RAP1B: variants seen among roughly 807,000 people sequenced by gnomAD.
RAP1B encodes ras-related protein Rap-1b.
Under a neutral mutation model 27.5 loss-of-function variants are expected in RAP1B, and 1 was observed. The ratio of observed to expected loss-of-function variants is 0.04; its 90% CI spans 0.01 to 0.17. RAP1B has a LOEUF of 0.17. RAP1B is among the 10% of genes least tolerant of loss of function. The pLI, the probability that RAP1B is intolerant of heterozygous loss-of-function variation, is 1.00. For missense variants in RAP1B, 84 were observed against 214.8 expected, an observed-to-expected ratio of 0.39 and a Z score of 3.81; for synonymous variants, 75 against 73.1, an observed-to-expected ratio of 1.03 and a Z score of -0.13.
At position 68,619,648 on chromosome 12, in the gene RAP1B, T is replaced by A. The variant is rs868394665; in HGVS notation, c.-27+8605T>A. 5.3e-5 allele frequency among the ~76,000 whole-genome samples: 8 copies of A among 152,338 alleles called. No homozygotes were observed. In the South Asian group the frequency reaches 1.7e-3, roughly 32 times the overall value. The stretch of plus-strand genomic sequence containing the variant: ...AAATATTCCCAACTGTCTAATGTAT[T>A]TTGTATTACTTATTTTTCCATGCTT... On this transcript the variant is annotated intron_variant, in intron 1 of 7. Coordinates refer to ENST00000250559, the MANE Select transcript of RAP1B (RefSeq NM_001010942.3).
intron 4 of RAP1B, among the ~76,000 whole-genome samples, chr12:68,653,825 G>A (rs990470439): frequency 6.6e-6 from 1 of 151,962 alleles, no homozygotes; most frequent in African/African-American, 2.4e-5. Flanking sequence ...CAGCTACTCG[G>A]GAGGCTGAGG....
At chr12:68,651,942 G>A in intron 3 of RAP1B, 53 bp from the exon 4 acceptor site, 1 of 1,398,180 alleles carries the variant, frequency 7.2e-7, no homozygotes, top group Non-Finnish European at 1.0e-6. Context: ...TGTATATTAA[G>A]GTAGTTTTAT....
At chr12:68,619,642 A>T (rs1871257698) in intron 1 of RAP1B, among the ~76,000 whole-genome samples, 1 of 152,156 alleles carries the variant, frequency 6.6e-6, no homozygotes, top group Non-Finnish European at 1.5e-5. Flanking sequence ...CAACTGTCTA[A>T]TGTATTTTGT....
At chr12:68,633,014 G>A (rs1298373113) in intron 1 of RAP1B, among the ~76,000 whole-genome samples, 1 of 152,190 alleles carries the variant, frequency 6.6e-6, no homozygotes, top group Non-Finnish European at 1.5e-5. Context: ...TACAATACAA[G>A]CTATTCACTG....
At position 68,660,530 on chromosome 12, in the gene RAP1B, C is replaced by A. The variant is rs1396600251; in HGVS notation, c.*1281C>A. The A allele has an allele frequency of 6.6e-6, 1 of 152,598 alleles. No individual in the cohort carries two copies. The allele number at this position is 152,598 out of a possible 1,614,324, so 9.5% of individuals were successfully genotyped here. On this transcript the variant is annotated 3_prime_UTR_variant, in exon 8 of 8. Transcript: ENST00000250559. ...CAAGGGCTTGCATTATAATTACTTG[C>A]CACTTGAATGTGTTTTGTGTAATGT...
rs148974494 is a variant in RAP1B, at chr12:68,654,358, G to GA, written c.324+106_324+107insA. On this transcript the variant is annotated intron_variant, in intron 5 of 7. Transcript: ENST00000250559. ...AAGCTTGTGTATTTTGGTTGGGGGGGGGGTGTTGGTTTTTTTAAACTTTTT... is the reference window on the plus strand; with the variant it reads ...AAGCTTGTGTATTTTGGTTGGGGGGGAGGGTGTTGGTTTTTTTAAACTTTTT... 89 of 442,550 alleles carry GA rather than the reference G, an allele frequency of 2.0e-4. 8 individuals are homozygous for GA. Among genetic ancestry groups the GA allele is most frequent in the East Asian group, 1.1e-3 (12 of 10,788 alleles). The allele number at this position is 442,550 out of a possible 1,614,324, so 27.4% of individuals were successfully genotyped here.
At chr12:68,630,806 G>A (rs753845577) in intron 1 of RAP1B, among the ~76,000 whole-genome samples, 34 of 151,802 alleles carry the variant, frequency 2.2e-4, no homozygotes, top group Non-Finnish European at 3.8e-4. Flanking sequence ...CCATCCTCCC[G>A]GGTAGGTGGA....
intron 1 of RAP1B, among the ~76,000 whole-genome samples, chr12:68,636,725 G>GTT (rs58164003): frequency 0.053 from 7,990 of 150,966 alleles, 689 homozygotes; most frequent in African/African-American, 0.18. Context: ...TATCCCTGCT[G>GTT]TTTTTTTTTG....
At chr12:68,627,185 C>G (rs947916863) in intron 1 of RAP1B, 2 of 1,549,328 alleles carry the variant, frequency 1.3e-6, no homozygotes, top group Non-Finnish European at 8.8e-7. Flanking sequence ...CTGTTTGGAA[C>G]CTACACTGGG....
At chr12:68,611,248 C>A (rs1267249561) in intron 1 of RAP1B, among the ~76,000 whole-genome samples, 1 of 148,598 alleles carries the variant, frequency 6.7e-6, no homozygotes, top group East Asian at 2.0e-4. Context: ...CCTTGCGGGC[C>A]GGCGAGGAGG....
At chr12:68,654,039 A>G in intron 4 of RAP1B, 73 bp from the exon 5 acceptor site, 1 of 1,284,824 alleles carries the variant, frequency 7.8e-7, no homozygotes, top group Non-Finnish European at 1.1e-6. Flanking sequence ...AGCTATAATT[A>G]TAGACTGTGA....
intron 7 of RAP1B, chr12:68,657,725 AACACACACACACACACACAC>A (rs61700927): frequency 0.036 from 4,572 of 126,222 alleles, 101 homozygotes; most frequent in South Asian, 0.052. Flanking sequence ...CCTAATTTAA[AACACACACACACACACACAC>A]ACACACACAC....
At position 68,661,376 on chromosome 12, in the gene RAP1B, T is replaced by G. The variant is rs2076218769; in HGVS notation, c.*2127T>G. ...ATAAATGTTTGCTGCCTACCAGCTATGTACCAGGCCCAGTTCTAGGCTCAA... is the reference window on the plus strand; with the variant it reads ...ATAAATGTTTGCTGCCTACCAGCTAGGTACCAGGCCCAGTTCTAGGCTCAA... On this transcript the variant is annotated 3_prime_UTR_variant, in exon 8 of 8. Transcript: ENST00000250559. 6.6e-6 allele frequency: 1 copy of G among 152,198 alleles called. No individual in the cohort carries two copies. The highest frequency in any genetic ancestry group is 2.4e-5 in the African/African-American group (1 of 41,440). 9.4% of individuals were successfully genotyped at this position (152,198 alleles called of 1,614,324 possible). A position where few individuals can be genotyped will look rare whatever the true frequency, so the allele number is the denominator to read the frequency against.
At chr12:68,631,741 C>G (rs1872252356) in intron 1 of RAP1B, among the ~76,000 whole-genome samples, 1 of 152,070 alleles carries the variant, frequency 6.6e-6, no homozygotes, top group Non-Finnish European at 1.5e-5. Context: ...AATCTGATCT[C>G]TCCTTCTGAA....
At chr12:68,634,819 G>A (rs541805067) in intron 1 of RAP1B, among the ~76,000 whole-genome samples, 2 of 152,304 alleles carry the variant, frequency 1.3e-5, no homozygotes, top group South Asian at 2.1e-4. Flanking sequence ...TACGTTGCAT[G>A]TCAAATTATA....
Position 68,663,597 on chromosome 12 carries a change from C to T in RAP1B, c.*4348C>T, listed in dbSNP as rs1289001350. On this transcript the variant is annotated 3_prime_UTR_variant, in exon 8 of 8. Coordinates refer to ENST00000250559, the MANE Select transcript of RAP1B (RefSeq NM_001010942.3). ...GCTTATTGCTAAATAGGTCTGTATTCTAAATGCTGCCATTTTTTAAAAAAA... is the reference window on the plus strand; with the variant it reads ...GCTTATTGCTAAATAGGTCTGTATTTTAAATGCTGCCATTTTTTAAAAAAA... 1 of 152,162 alleles carries T rather than the reference C, an allele frequency of 6.6e-6. No homozygotes were observed. The highest frequency in any genetic ancestry group is 1.5e-5 in the Non-Finnish European group (1 of 68,024). 9.4% of individuals were successfully genotyped at this position (152,162 alleles called of 1,614,324 possible).
chr12:68,612,913 G>T (rs1211859810), intron 1 of RAP1B, among the ~76,000 whole-genome samples: 2 of 152,122 alleles, frequency 1.3e-5, no homozygotes, highest in East Asian at 3.8e-4. Flanking sequence ...ACAATAAATC[G>T]TGAAGCTGCC....
intron 2 of RAP1B, 27 bp downstream of exon 2, chr12:68,648,808 CT>C: frequency 1.3e-6 from 2 of 1,584,072 alleles, no homozygotes; most frequent in African/African-American, 1.4e-5. Flanking sequence ...TTACCTAAGC[CT>C]TTCACTCCAA....
In RAP1B at chr12:68,660,268, G is replaced by A. The variant is rs1874527754; in HGVS notation, c.*1019G>A. ...TTTAATCATATGTAATTGGTCACAAGGCCTAATTTGCAGTAACTATTGCTG... is the reference window on the plus strand; with the variant it reads ...TTTAATCATATGTAATTGGTCACAAAGCCTAATTTGCAGTAACTATTGCTG... On this transcript the variant is annotated 3_prime_UTR_variant, in exon 8 of 8. Coordinates refer to ENST00000250559, the MANE Select transcript of RAP1B (RefSeq NM_001010942.3). 2 of 135,434 alleles carry A rather than the reference G, an allele frequency of 1.5e-5. No homozygotes were observed. 8.4% of individuals were successfully genotyped at this position (135,434 alleles called of 1,614,324 possible).
Sources: gnomAD v4.1 joint callset for allele counts (sites outside exome capture counted in the v4.1 genomes callset) on GRCh38, gnomAD v4.1.1 for gene constraint, MANE v1.5 for transcripts, NCBI Gene and HGNC (gene_info 2026-07-23, HGNC 2026-07-21) for gene names.